The following NCK1 variants were observed in gnomAD, a reference collection of about 807,000 sequenced individuals.
NCK1 encodes SH2/SH3 adapter protein NCK1.
NCK1 carries 19 observed loss-of-function variants against 36.6 expected under a neutral mutation model. The ratio of observed to expected loss-of-function variants is 0.52; its 90% confidence interval spans 0.36 to 0.76. NCK1 has a LOEUF of 0.76. Among genes scored for constraint, NCK1 ranks in the 30% least tolerant of loss-of-function variants. The probability of loss-of-function intolerance (pLI) is 0.00; values close to 1 mark genes in which losing one functional copy is unlikely to be tolerated. For missense variants in NCK1, 358 were observed against 445.6 expected (o/e 0.80, Z 1.77); for synonymous variants, 165 against 156.0 (o/e 1.06, Z -0.43).
chr3:136,876,981 C>CT (rs1373104587), intron 1 of NCK1, among the ~76,000 whole-genome samples: 1 of 152,094 alleles, frequency 6.6e-6, no homozygotes, highest in Non-Finnish European at 1.5e-5. Context: ...TTTTTTAACT[C>CT]TGTGTTATCA....
At chr3:136,928,455 C>A (rs759650413) in intron 2 of NCK1, 25 of 518,776 alleles carry the variant, frequency 4.8e-5, no homozygotes, top group Non-Finnish European at 8.2e-5. Flanking sequence ...CAGAGTGATA[C>A]CAATGAGTAG....
chr3:136,938,167 GT>G (rs1560053598), intron 2 of NCK1, among the ~76,000 whole-genome samples: 2 of 152,052 alleles, frequency 1.3e-5, no homozygotes, highest in African/African-American at 4.8e-5. Flanking sequence ...ATAGTCATTT[GT>G]TTTTTCCCCT....
intron 1 of NCK1, among the ~76,000 whole-genome samples, chr3:136,878,706 G>C (rs751794824): frequency 0.68 from 103,509 of 151,874 alleles, 35,575 homozygotes; most frequent in East Asian, 0.87. Context: ...TCTCAATAAA[G>C]CTATTTTTTT....
At chr3:136,927,231 C>T (rs1000042986) in intron 1 of NCK1, among the ~76,000 whole-genome samples, 1 of 152,050 alleles carries the variant, frequency 6.6e-6, no homozygotes, top group South Asian at 2.1e-4. Flanking sequence ...CTCGGCCTCC[C>T]GAAGTGCTGG....
At chr3:136,873,702 A>G (rs765898079) in intron 1 of NCK1, among the ~76,000 whole-genome samples, 8 of 152,100 alleles carry the variant, frequency 5.3e-5, no homozygotes, top group African/African-American at 1.9e-4. Flanking sequence ...GTGGGAGGTA[A>G]TTGAATCGTG....
At chr3:136,895,706 A>T (rs1303578279) in intron 1 of NCK1, among the ~76,000 whole-genome samples, 1 of 152,122 alleles carries the variant, frequency 6.6e-6, no homozygotes, top group African/African-American at 2.4e-5. Context: ...CTGGGATTAC[A>T]GGTGCGTACC....
chr3:136,945,232 T>C (rs189616144), intron 2 of NCK1, among the ~76,000 whole-genome samples: 13 of 152,328 alleles, frequency 8.5e-5, no homozygotes, highest in African/African-American at 3.1e-4. Context: ...GTGGAGCCTT[T>C]GTGTACTTAG....
intron 1 of NCK1, among the ~76,000 whole-genome samples, chr3:136,902,956 A>C (rs1445005347): frequency 6.6e-6 from 1 of 152,022 alleles, no homozygotes; most frequent in Non-Finnish European, 1.5e-5. Context: ...AATGTCTGTT[A>C]GGTCTATTTG....
intron 1 of NCK1, among the ~76,000 whole-genome samples, chr3:136,924,532 T>C (rs1409755514): frequency 6.6e-6 from 1 of 152,206 alleles, no homozygotes; most frequent in Non-Finnish European, 1.5e-5. Context: ...AAAAATACAC[T>C]TAGCAAAAAT....
chr3:136,915,057 A>G (rs1939923725), intron 1 of NCK1, among the ~76,000 whole-genome samples: 1 of 152,218 alleles, frequency 6.6e-6, no homozygotes, highest in African/African-American at 2.4e-5. Context: ...CACCAGATGA[A>G]GATGCCCAAT....
At chr3:136,866,316 T>C (rs1389833983) in intron 1 of NCK1, among the ~76,000 whole-genome samples, 6 of 151,940 alleles carry the variant, frequency 3.9e-5, no homozygotes, top group Non-Finnish European at 5.9e-5. Context: ...TTCTTTCTTT[T>C]TTTTTTTTTG....
chr3:136,919,290 C>T (rs183710245), intron 1 of NCK1, among the ~76,000 whole-genome samples: 3 of 151,890 alleles, frequency 2.0e-5, no homozygotes, highest in East Asian at 3.9e-4. Flanking sequence ...GATTACATAA[C>T]TCTTAAATGT....
chr3:136,899,995 C>T (rs1434001541), intron 1 of NCK1: 5 of 682,186 alleles, frequency 7.3e-6, no homozygotes, highest in Non-Finnish European at 1.3e-5. Context: ...GGTACAGTTG[C>T]AGAAACAAAA....
intron 2 of NCK1, among the ~76,000 whole-genome samples, chr3:136,942,882 G>A (rs1414830524): frequency 1.3e-5 from 2 of 152,202 alleles, no homozygotes; most frequent in Admixed American, 6.5e-5. Context: ...AATGATTCAA[G>A]TCAGGCAAAG....
rs780136771 is a variant in NCK1 at position 136,948,501 on chromosome 3, A to G, written c.*48A>G. On this transcript the variant is annotated 3_prime_UTR_variant, in exon 4 of 4. Coordinates refer to ENST00000481752, the MANE Select transcript of NCK1 (RefSeq NM_001291999.2). Reference sequence around the variant, plus strand: ...CTGTGTAGCTGTAATTTGTCATGTAATTGAAGACTGAGAAAATGTTGGGTC... The same window carrying G: ...CTGTGTAGCTGTAATTTGTCATGTAGTTGAAGACTGAGAAAATGTTGGGTC... 9 of 1,516,014 alleles carry G rather than the reference A, an allele frequency of 5.9e-6. No homozygotes were observed. Among genetic ancestry groups the G allele is most frequent in the Non-Finnish European group, 8.1e-6 (9 of 1,110,712 alleles). The allele number at this position is 1,516,014 out of a possible 1,614,324, so 93.9% of individuals were successfully genotyped here.
chr3:136,937,348 C>G (rs1350887084), intron 2 of NCK1, among the ~76,000 whole-genome samples: 1 of 152,156 alleles, frequency 6.6e-6, no homozygotes, highest in African/African-American at 2.4e-5. Flanking sequence ...CAATACCACA[C>G]TGTTTTGATT....
At chr3:136,936,131 C>G (rs192647905) in intron 2 of NCK1, among the ~76,000 whole-genome samples, 1 of 150,430 alleles carries the variant, frequency 6.6e-6, no homozygotes, top group Admixed American at 6.7e-5. Context: ...ACCTCTGCCT[C>G]TTGGGTTCAA....
intron 1 of NCK1, among the ~76,000 whole-genome samples, chr3:136,868,481 C>T (rs139949181): frequency 0.024 from 3,595 of 151,902 alleles, 80 homozygotes; most frequent in Middle Eastern, 0.068. Context: ...GTGCCTGCCA[C>T]CATGCCTGGC....
chr3:136,917,384 T>A (rs780665498), intron 1 of NCK1, among the ~76,000 whole-genome samples: 3 of 152,338 alleles, frequency 2.0e-5, no homozygotes, highest in Non-Finnish European at 4.4e-5. Flanking sequence ...CTGGCCTGGT[T>A]CCTATTCTCA....
Sources: gnomAD v4.1 joint callset for allele counts (sites outside exome capture counted in the v4.1 genomes callset) on GRCh38, gnomAD v4.1.1 for gene constraint, MANE v1.5 for transcripts, NCBI Gene and HGNC (gene_info 2026-07-23, HGNC 2026-07-21) for gene names.